The following RANBP2 variants were observed in gnomAD, a reference collection of about 807,000 sequenced individuals.
RANBP2 encodes E3 SUMO-protein ligase RanBP2.
RANBP2 carries 57 observed loss-of-function variants against 303.6 expected under a neutral mutation model. The ratio of observed to expected loss-of-function variants is 0.19; its 90% confidence interval spans 0.15 to 0.23. The LOEUF (loss-of-function observed/expected upper bound fraction) is 0.23. RANBP2 is among the 10% of genes least tolerant of loss of function. The pLI is 1.00. For synonymous variants in RANBP2, 1,167 were observed against 1,301.5 expected, an observed-to-expected ratio of 0.90 and a Z score of 2.23; for missense variants, 3,138 against 3,780.8, an observed-to-expected ratio of 0.83 and a Z score of 4.46.
At chr2:109,424,643 T>G in the RANBP2 span, among the ~76,000 whole-genome samples, 52 of 152,300 alleles carry the variant, frequency 3.4e-4, no homozygotes, top group South Asian at 4.1e-4. Context: ...TGATCAGTGA[T>G]TTTTGGCGTT....
chr2:109,332,400 G>A, the RANBP2 span, among the ~76,000 whole-genome samples: 1 of 152,060 alleles, frequency 6.6e-6, no homozygotes, highest in Non-Finnish European at 1.5e-5. Context: ...ACACTCCCGC[G>A]ACTCCCCCAG....
At chr2:108,902,761 G>A in the RANBP2 span, among the ~76,000 whole-genome samples, 1 of 152,116 alleles carries the variant, frequency 6.6e-6, no homozygotes, top group African/African-American at 2.4e-5. Context: ...AAAAATTAAT[G>A]TCAACAATTT....
At chr2:109,401,182 A>G in the RANBP2 span, among the ~76,000 whole-genome samples, 3 of 152,220 alleles carry the variant, frequency 2.0e-5, no homozygotes, top group African/African-American at 2.4e-5. Flanking sequence ...TTTGTCACCA[A>G]TGACAAAGTG....
At chr2:109,374,760 C>T in the RANBP2 span, among the ~76,000 whole-genome samples, 1 of 152,224 alleles carries the variant, frequency 6.6e-6, no homozygotes, top group African/African-American at 2.4e-5. Flanking sequence ...GATCTGCAGG[C>T]ACCTGGCAGG....
At chr2:109,488,547 C>G in the RANBP2 span, among the ~76,000 whole-genome samples, 10 of 152,218 alleles carry the variant, frequency 6.6e-5, no homozygotes, top group Non-Finnish European at 1.2e-4. Context: ...CCTCCTCACT[C>G]CCTGCCCCCA....
chr2:108,773,678 C>T (rs888855255), intron 23 of RANBP2, among the ~76,000 whole-genome samples: 5 of 150,340 alleles, frequency 3.3e-5, no homozygotes, highest in South Asian at 4.2e-4. Context: ...GATGGAGTTT[C>T]GCTCTGTCGC....
chr2:108,773,159 C>A, intron 23 of RANBP2, 113 bp downstream of exon 23: 1 of 1,211,910 alleles, frequency 8.3e-7, no homozygotes, highest in Non-Finnish European at 1.2e-6. Context: ...CTCTTGTTGC[C>A]CAGGCTGGAG....
At chr2:109,617,929 G>C in the RANBP2 span, 1 of 160,958 alleles carries the variant, frequency 6.2e-6, no homozygotes, top group East Asian at 2.0e-4. Context: ...TGAGGCATGA[G>C]AATCACTTAA....
At chr2:109,381,109 G>C in the RANBP2 span, among the ~76,000 whole-genome samples, 1 of 152,224 alleles carries the variant, frequency 6.6e-6, no homozygotes, top group Non-Finnish European at 1.5e-5. Flanking sequence ...GCAGAGCCTT[G>C]TCCTGGTCTG....
chr2:109,149,275 C>T, the RANBP2 span, among the ~76,000 whole-genome samples: 20 of 152,276 alleles, frequency 1.3e-4, no homozygotes, highest in Non-Finnish European at 2.5e-4. Flanking sequence ...CCCCGGGACC[C>T]GTTCTCTGGG....
At chr2:108,731,642 T>A in intron 4 of RANBP2, 168 bp downstream of exon 4, 1 of 1,281,600 alleles carries the variant, frequency 7.8e-7, no homozygotes, top group South Asian at 1.5e-5. Flanking sequence ...TACTGTCTTA[T>A]TAGGCATTGT....
Position 108,764,025 on chromosome 2 carries a change from T to C in RANBP2, c.3486T>C (p.His1162=). ...ATGAGACAGATGGAGGAAGTGCCCA[T>C]GGGGATGATGATGATGACGGTCCTC... ...KNHETDGGSA[H]GDDDDDGPHF... Residue 1162 remains histidine (H), a synonymous_variant, in exon 20 of 29, where the codon CAT becomes CAC. Transcript: ENST00000283195. The C allele has an allele frequency of 6.2e-7, 1 of 1,613,838 alleles. No homozygotes were observed. Among genetic ancestry groups the C allele is most frequent in the South Asian group, 1.1e-5 (1 of 91,074 alleles).
At chr2:109,120,174 G>T in the RANBP2 span, among the ~76,000 whole-genome samples, 24 of 152,198 alleles carry the variant, frequency 1.6e-4, no homozygotes, top group Non-Finnish European at 1.5e-5. Flanking sequence ...CTCACTGCAG[G>T]CTACCTGTAG....
At chr2:109,715,751 C>T in the RANBP2 span, among the ~76,000 whole-genome samples, 1 of 152,196 alleles carries the variant, frequency 6.6e-6, no homozygotes, top group Non-Finnish European at 1.5e-5. Context: ...AAAGTTCCAA[C>T]CCTCTAATCA....
In RANBP2 at chr2:108,763,812, A is replaced by G; in HGVS notation, c.3273A>G (p.Gln1091=). 4.3e-6 allele frequency: 7 copies of G among 1,614,124 alleles called. No homozygotes were observed. The highest frequency in any genetic ancestry group is 2.2e-5 in the East Asian group (1 of 44,878). ...YSGAKPIPGG[Q]TIGPRNTFNF... is the part of the protein sequence containing the mutation. ...GAGCCAAACCAATTCCTGGTGGTCAAACCATTGGGCCTCGAAATACATTCA... is the reference window on the plus strand; with the variant it reads ...GAGCCAAACCAATTCCTGGTGGTCAGACCATTGGGCCTCGAAATACATTCA... The change falls in exon 20 of 29, where the codon CAA becomes CAG. Residue 1091 remains glutamine (Q), a synonymous_variant. Transcript: ENST00000283195.
In RANBP2 at chr2:108,783,703, C is replaced by A; in HGVS notation, c.9477C>A (p.Ser3159=). 1 of 1,610,986 alleles carries A rather than the reference C, an allele frequency of 6.2e-7. No individual in the cohort carries two copies. The highest frequency in any genetic ancestry group is 8.5e-7 in the Non-Finnish European group (1 of 1,177,218). ...AACATACTGGTCCTGGTTTACTATC[C>A]ATGGCCAATCAAGGCCAGAATACCA... ...DVKHTGPGLL[S]MANQGQNTNN... The change falls in exon 29 of 29, where the codon TCC becomes TCA. Residue 3159 remains serine (S), a synonymous_variant. Coordinates refer to ENST00000283195, the MANE Select transcript of RANBP2 (RefSeq NM_006267.5).
chr2:109,176,251 A>C, the RANBP2 span, among the ~76,000 whole-genome samples: 1 of 152,242 alleles, frequency 6.6e-6, no homozygotes, highest in Non-Finnish European at 1.5e-5. Flanking sequence ...GCAATTGTAG[A>C]GTTTAATAAA....
chr2:109,613,240 C>A, the RANBP2 span: 1 of 1,236,514 alleles, frequency 8.1e-7, no homozygotes, highest in Non-Finnish European at 1.1e-6. Flanking sequence ...TGGAAAGGTT[C>A]AAAACAGTGA....
At chr2:108,727,909 G>A (rs1694860056) in intron 1 of RANBP2, among the ~76,000 whole-genome samples, 3 of 152,086 alleles carry the variant, frequency 2.0e-5, no homozygotes, top group Admixed American at 2.0e-4. Context: ...AGCCTGGTGT[G>A]CATCAGCATT....
Sources: allele counts gnomAD v4.1 joint callset (sites outside exome capture counted in the v4.1 genomes callset), GRCh38; gene constraint gnomAD v4.1.1; transcripts MANE v1.5; gene names NCBI Gene and HGNC (gene_info 2026-07-23, HGNC 2026-07-21).